The following PLAGL2 variants were observed in gnomAD, a reference collection of about 807,000 sequenced individuals.
PLAGL2 encodes the protein zinc finger protein PLAGL2.
In PLAGL2, 7 loss-of-function variants were observed where a neutral mutation model predicts 29.0. The ratio of observed to expected loss-of-function variants is 0.24; its 90% CI spans 0.14 to 0.45. The LOEUF (loss-of-function observed/expected upper bound fraction) is 0.45, where lower values mean the gene tolerates loss of function less well. Ranked by LOEUF, PLAGL2 falls within the 20% of genes least tolerant of loss-of-function variation. The pLI, the probability that PLAGL2 is intolerant of heterozygous loss-of-function variation, is 0.99. For missense variants in PLAGL2, 454 were observed against 648.2 expected, an observed-to-expected ratio of 0.70 and a Z score of 3.25; for synonymous variants, 234 against 266.0, an observed-to-expected ratio of 0.88 and a Z score of 1.17.
At chr20:32,198,775 T>G (rs368217438) in intron 2 of PLAGL2, among the ~76,000 whole-genome samples, 20 of 152,214 alleles carry the variant, frequency 1.3e-4, no homozygotes, top group African/African-American at 4.8e-4. Flanking sequence ...CATGTTTGAA[T>G]GTCTTAGGAA....
At position 32,203,630 on chromosome 20, in the gene PLAGL2, T is replaced by C. The variant is rs150197620; in HGVS notation, c.-114-1338A>G. 4.9e-3 allele frequency among the ~76,000 whole-genome samples: 742 copies of C among 152,264 alleles called. 2 individuals are homozygous for C. The highest frequency in any genetic ancestry group is 0.01 in the Middle Eastern group (3 of 294). On this transcript the variant is annotated intron_variant, in intron 1 of 2. Coordinates refer to ENST00000246229, the MANE Select transcript of PLAGL2 (RefSeq NM_002657.3). ...ACGAGAATCTGGGGAGGGCTCCAAC[T>C]GCACAAACTAGCTGTGGGCCACAGA... is the stretch of plus-strand genomic sequence containing the variant.
In PLAGL2 at chr20:32,193,608, T is replaced by C. The variant is rs1337027408; in HGVS notation, c.*2844A>G. On this transcript the variant is annotated 3_prime_UTR_variant, in exon 3 of 3. Coordinates refer to ENST00000246229, the MANE Select transcript of PLAGL2 (RefSeq NM_002657.3). Reference sequence around the variant, plus strand: ...GGCAGGGAAAGGGGACATCACTTTTTTTCCTGGTCCCTCATTGGTCTTTGT... The same window carrying C: ...GGCAGGGAAAGGGGACATCACTTTTCTTCCTGGTCCCTCATTGGTCTTTGT... 6.6e-6 allele frequency: 1 copy of C among 152,340 alleles called. No individual in the cohort carries two copies. The highest frequency in any genetic ancestry group is 2.4e-5 in the African/African-American group (1 of 41,440). The allele number at this position is 152,340 out of a possible 1,614,324, so 9.4% of individuals were successfully genotyped here. A position where few individuals can be genotyped will look rare whatever the true frequency, so the allele number is the denominator to read the frequency against.
In PLAGL2 at chr20:32,196,392, G is replaced by C; in HGVS notation, c.*60C>G. 2 of 1,237,960 alleles carry C rather than the reference G, an allele frequency of 1.6e-6. No individual in the cohort carries two copies. Among genetic ancestry groups the C allele is most frequent in the Admixed American group, 2.8e-5 (1 of 35,996 alleles). The allele number at this position is 1,237,960 out of a possible 1,614,324, so 76.7% of individuals were successfully genotyped here. A position where few individuals can be genotyped will look rare whatever the true frequency, so the allele number is the denominator to read the frequency against. On this transcript the variant is annotated 3_prime_UTR_variant, in exon 3 of 3. Transcript: ENST00000246229. ...AGCTGCCTTCATGGGGGACACAGAC[G>C]GGGTGGGTACTAAGGCTCCATAACA...
In PLAGL2 at chr20:32,196,737, GTTGGCGGGGCTC is replaced by G; in HGVS notation, c.1194_1205del (p.Lys398_Ala401del). On this transcript the variant is annotated inframe_deletion, in exon 3 of 3. Coordinates refer to ENST00000246229, the MANE Select transcript of PLAGL2 (RefSeq NM_002657.3). ...TAGCAGCGCAGAGGGCCTCAGAGAG[GTTGGCGGGGCTC>G]TTGGCAAGCAGTGCTTCATCTAGGA... 1 of 1,589,592 alleles carries G rather than the reference GTTGGCGGGGCTC, an allele frequency of 6.3e-7. No homozygotes were observed. The highest frequency in any genetic ancestry group is 2.2e-5 in the East Asian group (1 of 44,746).
rs1183202948 is a variant in PLAGL2, at chr20:32,193,004, C to T, written c.*3448G>A. 1 of 152,666 alleles carries T rather than the reference C, an allele frequency of 6.6e-6. No individual in the cohort carries two copies. The highest frequency in any genetic ancestry group is 2.1e-4 in the South Asian group (1 of 4,830). The allele number at this position is 152,666 out of a possible 1,614,324, so 9.5% of individuals were successfully genotyped here. ...ACTCTCCAGAGGTGAAGGTCATGGCCAATTCCTTCCACAGCAGGTTCAGAG... is the reference window on the plus strand; with the variant it reads ...ACTCTCCAGAGGTGAAGGTCATGGCTAATTCCTTCCACAGCAGGTTCAGAG... On this transcript the variant is annotated 3_prime_UTR_variant, in exon 3 of 3. Coordinates refer to ENST00000246229, the MANE Select transcript of PLAGL2 (RefSeq NM_002657.3).
chr20:32,197,762 C>T lies in PLAGL2; in HGVS notation c.261-80G>A. On this transcript the variant is annotated intron_variant, in intron 2 of 2. Transcript: ENST00000246229. The surrounding 1 kb of genome is among the most constrained non-coding windows in gnomAD (Gnocchi z 6.6). Reference sequence around the variant, plus strand: ...GGATGACTGGACAACCAAAGGTGTCCATTAACAGGAAACTAGATATAAAAA... The same window carrying T: ...GGATGACTGGACAACCAAAGGTGTCTATTAACAGGAAACTAGATATAAAAA... The T allele has an allele frequency of 8.5e-7, 1 of 1,179,978 alleles. No homozygotes were observed. Among genetic ancestry groups the T allele is most frequent in the South Asian group, 1.4e-5 (1 of 69,764 alleles). The allele number at this position is 1,179,978 out of a possible 1,614,324, so 73.1% of individuals were successfully genotyped here. A position where few individuals can be genotyped will look rare whatever the true frequency, so the allele number is the denominator to read the frequency against.
rs144825819 is a variant in PLAGL2 at position 32,197,782 on chromosome 20, T to A, written c.261-100A>T. 4 of 979,766 alleles carry A rather than the reference T, an allele frequency of 4.1e-6. No homozygotes were observed. The African/African-American group carries it at 6.5e-5, about 16-fold the overall frequency. The allele number at this position is 979,766 out of a possible 1,614,324, so 60.7% of individuals were successfully genotyped here. ...GTGTCCATTAACAGGAAACTAGATA[T>A]AAAAACCATGGTAAAGGCTTGCAAT... On this transcript the variant is annotated intron_variant, in intron 2 of 2. Transcript: ENST00000246229. This position sits in a 1 kb window ranked among gnomAD's most constrained non-coding sequence, Gnocchi z 6.6.
At position 32,196,682 on chromosome 20, in the gene PLAGL2, G is replaced by A; in HGVS notation, c.1261C>T (p.Leu421Phe). ...TTACACGGGGGCAGGTTGAGTGGAA[G>A]AAAGCCCAGTAGGTGGGAGAAGTCC... ...NVDFSHLLGF[L>F]PLNLPPCNPP... is the part of the protein sequence containing the mutation. Residue 421 changes from leucine to phenylalanine, a missense_variant, in exon 3 of 3, where the codon CTT (leucine) becomes TTT (phenylalanine). Leu to Phe is a conservative substitution (Grantham distance 22, BLOSUM62 0). Around this residue, in one of 4 missense-constraint regions of PLAGL2, gnomAD observed 247 missense variants for 350.3 expected, o/e 0.71. Transcript: ENST00000246229. 6.5e-7 allele frequency: 1 copy of A among 1,548,054 alleles called. No individual in the cohort carries two copies. The highest frequency in any genetic ancestry group is 8.7e-7 in the Non-Finnish European group (1 of 1,147,444).
intron 1 of PLAGL2, among the ~76,000 whole-genome samples, chr20:32,204,275 G>A (rs1009929983): frequency 6.6e-6 from 1 of 152,184 alleles, no homozygotes; most frequent in Non-Finnish European, 1.5e-5. Context: ...TGATGTGAGA[G>A]AGGAGCCTAG....
chr20:32,197,754 A>T lies in PLAGL2; in HGVS notation c.261-72T>A. 5.5e-6 allele frequency: 7 copies of T among 1,270,172 alleles called. No homozygotes were observed. The highest frequency in any genetic ancestry group is 1.5e-5 in the African/African-American group (1 of 67,702). 78.7% of individuals were successfully genotyped at this position (1,270,172 alleles called of 1,614,324 possible). A position where few individuals can be genotyped will look rare whatever the true frequency, so the allele number is the denominator to read the frequency against. ...ATCACAAGGGATGACTGGACAACCA[A>T]AGGTGTCCATTAACAGGAAACTAGA... On this transcript the variant is annotated intron_variant, in intron 2 of 2. Transcript: ENST00000246229. The surrounding 1 kb of genome is among the most constrained non-coding windows in gnomAD (Gnocchi z 6.6).
At chr20:32,205,285 C>T (rs112117933) in intron 1 of PLAGL2, among the ~76,000 whole-genome samples, 27 of 152,050 alleles carry the variant, frequency 1.8e-4, no homozygotes, top group African/African-American at 6.0e-4. Flanking sequence ...AGTGAGTTTC[C>T]TTCCTTTCCC....
At position 32,197,270 on chromosome 20, in the gene PLAGL2, C is replaced by T. The variant is rs1172281379; in HGVS notation, c.673G>A (p.Ala225Thr). The change falls in exon 3 of 3, where the codon GCC becomes ACC. Residue 225 changes from alanine (A) to threonine (T), a missense_variant. Around this residue, in one of 4 missense-constraint regions of PLAGL2, gnomAD observed 7 missense variants for 34.4 expected, o/e 0.20. Coordinates refer to ENST00000246229, the MANE Select transcript of PLAGL2 (RefSeq NM_002657.3). This position sits in a 1 kb window ranked among gnomAD's most constrained non-coding sequence, Gnocchi z 6.6. ...GRKDFLCQYCAQRFGRKDHLT... is the reference protein window; with the variant it reads ...GRKDFLCQYCTQRFGRKDHLT... ...TGGTCCTTACGGCCAAACCGCTGGG[C>T]ACAGTACTGGCACAGGAAGTCCTTA... 6.2e-7 allele frequency: 1 copy of T among 1,613,204 alleles called. No homozygotes were observed. Among genetic ancestry groups the T allele is most frequent in the East Asian group, 2.2e-5 (1 of 44,886 alleles).
Position 32,196,383 on chromosome 20 carries a change from G to T in PLAGL2, c.*69C>A, listed in dbSNP as rs2047227955. On this transcript the variant is annotated 3_prime_UTR_variant, in exon 3 of 3. Coordinates refer to ENST00000246229, the MANE Select transcript of PLAGL2 (RefSeq NM_002657.3). The stretch of plus-strand genomic sequence containing the variant: ...TGAAAGCTCAGCTGCCTTCATGGGG[G>T]ACACAGACGGGGTGGGTACTAAGGC... 3.4e-6 allele frequency: 4 copies of T among 1,180,988 alleles called. No individual in the cohort carries two copies. Among genetic ancestry groups the T allele is most frequent in the African/African-American group, 1.6e-5 (1 of 63,712 alleles). 73.2% of individuals were successfully genotyped at this position (1,180,988 alleles called of 1,614,324 possible).
intron 1 of PLAGL2, among the ~76,000 whole-genome samples, chr20:32,203,310 T>C (rs984510698): frequency 2.6e-5 from 4 of 152,292 alleles, no homozygotes; most frequent in Admixed American, 2.6e-4. Flanking sequence ...CATTCCCAAG[T>C]GGGGAGCCGA....
rs1372932522 is a variant in PLAGL2 at position 32,196,141 on chromosome 20, A to G, written c.*311T>C. The G allele has an allele frequency of 5.4e-5, 11 of 202,628 alleles. No homozygotes were observed. The East Asian group carries it at 9.6e-4, about 18-fold the overall frequency. The allele number at this position is 202,628 out of a possible 1,614,324, so 12.6% of individuals were successfully genotyped here. On this transcript the variant is annotated 3_prime_UTR_variant, in exon 3 of 3. Coordinates refer to ENST00000246229, the MANE Select transcript of PLAGL2 (RefSeq NM_002657.3). The stretch of plus-strand genomic sequence containing the variant: ...AGAGGCCTCCCCATTCTCCAAAGAG[A>G]AGGAGGTTCTGGCGCTTTGGAGAGG...
chr20:32,199,615 G>A (rs1194246298), intron 2 of PLAGL2, among the ~76,000 whole-genome samples: 1 of 152,152 alleles, frequency 6.6e-6, no homozygotes, highest in Non-Finnish European at 1.5e-5. Context: ...TGGAGGGACT[G>A]CTTGAGGCCA....
chr20:32,192,969 C>A lies in PLAGL2; in HGVS notation c.*3483G>T. On this transcript the variant is annotated 3_prime_UTR_variant, in exon 3 of 3. Transcript: ENST00000246229. ...CATGGTGAACACCCTTTTCCCTCGC[C>A]ATAGACCCTACTCTCCAGAGGTGAA... 6.5e-6 allele frequency: 1 copy of A among 152,758 alleles called. No homozygotes were observed. The allele number at this position is 152,758 out of a possible 1,614,324, so 9.5% of individuals were successfully genotyped here.
chr20:32,198,085 G>A (rs1163496072), intron 2 of PLAGL2, among the ~76,000 whole-genome samples: 2 of 152,200 alleles, frequency 1.3e-5, no homozygotes, highest in African/African-American at 4.8e-5. Flanking sequence ...ATGTAGACTA[G>A]GACTCTATGT....
At chr20:32,206,447 C>G (rs1347739893) in intron 1 of PLAGL2, among the ~76,000 whole-genome samples, 1 of 152,190 alleles carries the variant, frequency 6.6e-6, no homozygotes, top group African/African-American at 2.4e-5. Flanking sequence ...TCCTCAGATT[C>G]CTGCTGCCTC....
Sources: gnomAD v4.1 joint callset for allele counts (sites outside exome capture counted in the v4.1 genomes callset) on GRCh38, gnomAD v4.1.1 for gene constraint, gnomAD v4.1.1 regional missense constraint, Gnocchi (gnomAD v3.1) non-coding constraint, MANE v1.5 for transcripts, NCBI Gene and HGNC (gene_info 2026-07-23, HGNC 2026-07-21) for gene names.